ABHD12: variants seen among roughly 807,000 people sequenced by gnomAD.
ABHD12 encodes the protein abhydrolase domain containing 12, lysophospholipase, also known as lysophosphatidylserine lipase ABHD12.
In ABHD12, 43 loss-of-function variants were observed where a neutral mutation model predicts 58.3. The ratio of observed to expected loss-of-function variants is 0.74; its 90% CI spans 0.58 to 0.95. ABHD12 has a LOEUF of 0.95. Ranked by LOEUF, ABHD12 falls within the 40% of genes least tolerant of loss-of-function variation. The pLI, the probability that ABHD12 is intolerant of heterozygous loss-of-function variation, is 0.00. For synonymous variants in ABHD12, 219 were observed against 211.2 expected, an observed-to-expected ratio of 1.04 and a Z score of -0.32; for missense variants, 539 against 537.2, an observed-to-expected ratio of 1.00 and a Z score of -0.03.
chr20:25,299,417 C>G (rs896890828), downstream of ABHD12, among the ~76,000 whole-genome samples: 3 of 151,884 alleles, frequency 2.0e-5, no homozygotes, highest in African/African-American at 7.3e-5. Context: ...AAAAACCCAC[C>G]AGGAGCTTGT....
At chr20:25,376,966 G>C (rs895707318) in intron 1 of ABHD12, among the ~76,000 whole-genome samples, 1 of 152,208 alleles carries the variant, frequency 6.6e-6, no homozygotes, top group African/African-American at 2.4e-5. Flanking sequence ...GAGAGGAACA[G>C]AGTGAGAGAG....
chr20:25,359,062 T>C (rs73347028), intron 1 of ABHD12, among the ~76,000 whole-genome samples: 10 of 146,396 alleles, frequency 6.8e-5, no homozygotes, highest in African/African-American at 2.5e-4. Context: ...CAAACAAGTA[T>C]ACAATTACCC....
chr20:25,303,451 AG>A (rs1366806847), intron 11 of ABHD12, 98 bp downstream of exon 11: 2 of 1,553,656 alleles, frequency 1.3e-6, no homozygotes, highest in South Asian at 1.2e-5. Context: ...TGCAGCATGC[AG>A]GGGCTGCCTT....
intron 1 of ABHD12, among the ~76,000 whole-genome samples, chr20:25,389,500 T>G (rs970424256): frequency 6.6e-6 from 1 of 152,146 alleles, no homozygotes; most frequent in Admixed American, 6.5e-5. Context: ...GATCATCATA[T>G]AGTAACTTCT....
chr20:25,301,459 A>T (rs1388164151), intron 12 of ABHD12, among the ~76,000 whole-genome samples: 1 of 152,258 alleles, frequency 6.6e-6, no homozygotes, highest in Non-Finnish European at 1.5e-5. Flanking sequence ...CACCATTAGC[A>T]GCAGCCCCTC....
chr20:25,295,540 C>T (rs1284776160), downstream of ABHD12: 3 of 1,538,746 alleles, frequency 1.9e-6, no homozygotes, highest in African/African-American at 1.4e-5. Flanking sequence ...TGGGACTCTC[C>T]CCTCGGGACA....
intron 1 of ABHD12, among the ~76,000 whole-genome samples, chr20:25,369,796 C>T (rs999618632): frequency 2.8e-4 from 43 of 152,228 alleles, no homozygotes; most frequent in African/African-American, 1.0e-3. Flanking sequence ...CATGGTGGCT[C>T]GCCCCTGTAA....
At chr20:25,352,077 C>T (rs1160587640) in intron 1 of ABHD12, among the ~76,000 whole-genome samples, 2 of 151,948 alleles carry the variant, frequency 1.3e-5, no homozygotes, top group East Asian at 1.9e-4. Context: ...CCGCAACCTC[C>T]ACCTCCTGGG....
chr20:25,360,923 G>A (rs1477479426), intron 1 of ABHD12, among the ~76,000 whole-genome samples: 1 of 152,250 alleles, frequency 6.6e-6, no homozygotes, highest in African/African-American at 2.4e-5. Context: ...TCTGCAGAGG[G>A]TAAACCATAG....
intron 12 of ABHD12, among the ~76,000 whole-genome samples, chr20:25,301,788 T>C (rs2088639585): frequency 6.6e-6 from 1 of 152,274 alleles, no homozygotes; most frequent in South Asian, 2.1e-4. Flanking sequence ...GCCCATGTCC[T>C]GCCAGTGCAG....
At chr20:25,374,939 C>A (rs965976464) in intron 1 of ABHD12, among the ~76,000 whole-genome samples, 2 of 152,190 alleles carry the variant, frequency 1.3e-5, no homozygotes, top group African/African-American at 4.8e-5. Context: ...TGAATAATGT[C>A]CCCTCAAAAT....
intron 2 of ABHD12, among the ~76,000 whole-genome samples, chr20:25,330,936 C>T (rs552341152): frequency 6.6e-6 from 1 of 152,352 alleles, no homozygotes; most frequent in African/African-American, 2.4e-5. Flanking sequence ...CGCAGTTCCT[C>T]ACCAGCAACG....
At chr20:25,357,820 G>A (rs1252923828) in intron 1 of ABHD12, among the ~76,000 whole-genome samples, 1 of 152,060 alleles carries the variant, frequency 6.6e-6, no homozygotes, top group Non-Finnish European at 1.5e-5. Context: ...AGACCAGCCT[G>A]GACAACATGG....
chr20:25,334,970 T>C (rs549229551), intron 2 of ABHD12, among the ~76,000 whole-genome samples: 1 of 152,126 alleles, frequency 6.6e-6, no homozygotes, highest in East Asian at 1.9e-4. Context: ...CTAATTTAAC[T>C]AAAGAGCTTC....
At chr20:25,381,784 C>T (rs1568776696) in intron 1 of ABHD12, among the ~76,000 whole-genome samples, 1 of 152,050 alleles carries the variant, frequency 6.6e-6, no homozygotes, top group African/African-American at 2.4e-5. Context: ...GAGATAATCC[C>T]TCACCTGGGA....
chr20:25,354,660 T>C (rs2089644762), intron 1 of ABHD12, among the ~76,000 whole-genome samples: 1 of 151,726 alleles, frequency 6.6e-6, no homozygotes, highest in African/African-American at 2.4e-5. Context: ...GGATCCCAAA[T>C]GGATGGTGAA....
chr20:25,313,494 CTTGT>C (rs2088902318), intron 6 of ABHD12, among the ~76,000 whole-genome samples: 1 of 152,110 alleles, frequency 6.6e-6, no homozygotes, highest in Admixed American at 6.5e-5. Flanking sequence ...CCTTTGTTCA[CTTGT>C]TTATCTGCTG....
rs2088754380 is a variant in ABHD12 at position 25,306,930 on chromosome 20, G to A, written c.868-15C>T. ...TATCGATATATCTGGAGACAAGATG[G>A]AAACCATTTTCAGAAGCGTTGGTTA... On this transcript the variant is annotated splice_polypyrimidine_tract_variant and intron_variant, in intron 9 of 12. Coordinates refer to ENST00000339157, the MANE Select transcript of ABHD12 (RefSeq NM_001042472.3). 1.3e-6 allele frequency: 2 copies of A among 1,585,036 alleles called. No individual in the cohort carries two copies. The highest frequency in any genetic ancestry group is 1.7e-6 in the Non-Finnish European group (2 of 1,155,192).
chr20:25,339,544 G>A, intron 1 of ABHD12, 193 bp from the exon 2 acceptor site: 2 of 1,402,762 alleles, frequency 1.4e-6, no homozygotes, highest in South Asian at 2.4e-5. Flanking sequence ...TTTAATTTGG[G>A]CTTAGAACTC....
Sources: allele counts gnomAD v4.1 joint callset (sites outside exome capture counted in the v4.1 genomes callset), GRCh38; gene constraint gnomAD v4.1.1; transcripts MANE v1.5; gene names NCBI Gene and HGNC (gene_info 2026-07-23, HGNC 2026-07-21).